Variants in CD36 observed in about 807,000 individuals in gnomAD.
CD36 encodes platelet glycoprotein 4.
A neutral mutation model predicts 55.2 loss-of-function variants in CD36; 119 were observed. The ratio of observed to expected loss-of-function variants is 2.15; its 90% CI spans 1.86 to 2.51. CD36 has a LOEUF of 2.51. Ranked by LOEUF, CD36 falls within the 30% of genes most tolerant of loss-of-function variation. The pLI is 0.00. For missense variants in CD36, 819 were observed against 555.5 expected (o/e 1.47, Z -4.77); for synonymous variants, 186 against 193.6 (o/e 0.96, Z 0.33).
intron 1 of CD36, among the ~76,000 whole-genome samples, chr7:80,606,709 T>C (rs1792569163): frequency 6.6e-6 from 1 of 152,150 alleles, no homozygotes; most frequent in South Asian, 2.1e-4. Flanking sequence ...TGCTAATCTT[T>C]CCTCCAGGAA....
In CD36 at chr7:80,661,186, C is replaced by G. The variant is rs747515126; in HGVS notation, c.405C>G (p.Phe135Leu). The stretch of plus-strand genomic sequence containing the variant: ...CAGTTGGAACAGAGGCTGACAACTT[C>G]ACAGTTCTCAATCTGGCTGTGGCAG... ...SLSVGTEADN[F>L]TVLNLAVAAA... The change falls in exon 5 of 15, where the codon TTC (phenylalanine) becomes TTG (leucine). Residue 135 changes from phenylalanine to leucine, a missense_variant. By Grantham distance (22) the Phe-to-Leu change is conservative (BLOSUM62 0). Coordinates refer to ENST00000447544, the MANE Select transcript of CD36 (RefSeq NM_001001548.3). 6.2e-7 allele frequency: 1 copy of G among 1,613,950 alleles called. No individual in the cohort carries two copies. Among genetic ancestry groups the G allele is most frequent in the Non-Finnish European group, 8.5e-7 (1 of 1,179,864 alleles).
Position 80,659,264 on chromosome 7 carries a change from C to A in CD36, c.282-1799C>A, listed in dbSNP as rs557899390. Reference sequence around the variant, plus strand: ...TGACATTGGAAGTATGTGAGAATGTCCCTCCTCAAACAGAACCACAGGCTG... The same window carrying A: ...TGACATTGGAAGTATGTGAGAATGTACCTCCTCAAACAGAACCACAGGCTG... On this transcript the variant is annotated intron_variant, in intron 4 of 14. Coordinates refer to ENST00000447544, the MANE Select transcript of CD36 (RefSeq NM_001001548.3). 2.0e-5 allele frequency among the ~76,000 whole-genome samples: 3 copies of A among 152,248 alleles called. No homozygotes were observed. The South Asian group carries it at 6.2e-4, about 32-fold the overall frequency.
chr7:80,647,823 A>G (rs2116423762), intron 3 of CD36, among the ~76,000 whole-genome samples: 1 of 152,302 alleles, frequency 6.6e-6, no homozygotes, highest in South Asian at 2.1e-4. Context: ...TACTGGCCAA[A>G]TAAAACGAGT....
intron 1 of CD36, chr7:80,639,730 T>C (rs559839143): frequency 2.0e-5 from 3 of 152,114 alleles, no homozygotes; most frequent in Admixed American, 2.0e-4. Flanking sequence ...AAATATTGGT[T>C]CACAAGGAAG....
At chr7:80,616,878 T>C (rs1793194703) in intron 1 of CD36, among the ~76,000 whole-genome samples, 1 of 152,200 alleles carries the variant, frequency 6.6e-6, no homozygotes, top group East Asian at 1.9e-4. Context: ...CAAGTTTCTG[T>C]CTTGTTTCAG....
chr7:80,656,256 T>C (rs182590048), intron 3 of CD36, among the ~76,000 whole-genome samples: 50 of 152,312 alleles, frequency 3.3e-4, no homozygotes, highest in African/African-American at 1.2e-3. Flanking sequence ...AGCGTCACTC[T>C]AAAGCTTGCC....
intron 3 of CD36, among the ~76,000 whole-genome samples, chr7:80,648,504 A>G (rs1369481818): frequency 6.6e-6 from 1 of 151,898 alleles, no homozygotes; most frequent in Non-Finnish European, 1.5e-5. Flanking sequence ...GTGAGGTGCT[A>G]GCATTTATTT....
intron 1 of CD36, among the ~76,000 whole-genome samples, chr7:80,619,031 A>G (rs1383101614): frequency 6.6e-6 from 1 of 152,166 alleles, no homozygotes; most frequent in Non-Finnish European, 1.5e-5. Context: ...CTGACTCTCT[A>G]GTTAAGGGCT....
At chr7:80,665,691 A>T (rs1162418406) in intron 7 of CD36, among the ~76,000 whole-genome samples, 1 of 152,102 alleles carries the variant, frequency 6.6e-6, no homozygotes, top group Non-Finnish European at 1.5e-5. Flanking sequence ...TGTAAGGTTG[A>T]TTTAACTCAT....
intron 1 of CD36, among the ~76,000 whole-genome samples, chr7:80,639,477 G>T (rs1338262569): frequency 2.6e-5 from 4 of 151,834 alleles, no homozygotes; most frequent in Non-Finnish European, 4.4e-5. Flanking sequence ...AGATGATGAT[G>T]CCAAGTTGAA....
chr7:80,612,719 C>A (rs1792942037), intron 1 of CD36, among the ~76,000 whole-genome samples: 1 of 151,968 alleles, frequency 6.6e-6, no homozygotes, highest in African/African-American at 2.4e-5. Flanking sequence ...GTTTTTATTT[C>A]TTTAATTTTC....
At chr7:80,673,284 A>G in intron 12 of CD36, 71 bp from the exon 13 acceptor site, 1 of 725,692 alleles carries the variant, frequency 1.4e-6, no homozygotes. Context: ...ATTTATGAAC[A>G]TTTATTTTAA....
At chr7:80,630,403 T>C (rs991063887) in intron 1 of CD36, among the ~76,000 whole-genome samples, 1 of 152,020 alleles carries the variant, frequency 6.6e-6, no homozygotes, top group African/African-American at 2.4e-5. Context: ...TAAAACCAGG[T>C]ACCATTTTGA....
chr7:80,655,753 G>A (rs1133344), intron 3 of CD36, among the ~76,000 whole-genome samples: 118,127 of 151,746 alleles, frequency 0.78, 48,414 homozygotes, highest in Middle Eastern at 0.91. Context: ...GGAGTTCAAG[G>A]TCAGCCTGAC....
At chr7:80,647,386 C>G (rs937499105) in intron 3 of CD36, among the ~76,000 whole-genome samples, 1 of 152,008 alleles carries the variant, frequency 6.6e-6, no homozygotes, top group African/African-American at 2.4e-5. Context: ...GTGTAATAAT[C>G]TCATCTCATA....
intron 1 of CD36, among the ~76,000 whole-genome samples, chr7:80,640,082 T>A (rs757607910): frequency 2.6e-5 from 4 of 152,012 alleles, no homozygotes; most frequent in South Asian, 2.1e-4. Flanking sequence ...AAAAGGAAAG[T>A]TTAAGATAAT....
chr7:80,607,114 A>G (rs2115715969), intron 1 of CD36, among the ~76,000 whole-genome samples: 1 of 151,944 alleles, frequency 6.6e-6, no homozygotes, highest in South Asian at 2.1e-4. Flanking sequence ...TATCTTCTCC[A>G]CTCCATTAAT....
At chr7:80,657,555 G>C (rs993221854) in intron 4 of CD36, among the ~76,000 whole-genome samples, 5 of 152,156 alleles carry the variant, frequency 3.3e-5, no homozygotes, top group African/African-American at 1.2e-4. Flanking sequence ...GCCTGATCCA[G>C]TGGATGTGAG....
intron 1 of CD36, among the ~76,000 whole-genome samples, chr7:80,610,694 C>G (rs1049823178): frequency 1.3e-5 from 2 of 152,080 alleles, no homozygotes; most frequent in African/African-American, 4.8e-5. Flanking sequence ...CCTGCCTCAG[C>G]CTCCCCAGTA....
Sources: allele counts gnomAD v4.1 joint callset (sites outside exome capture counted in the v4.1 genomes callset), GRCh38; gene constraint gnomAD v4.1.1; transcripts MANE v1.5; gene names NCBI Gene and HGNC (gene_info 2026-07-23, HGNC 2026-07-21).